The following THEMIS variants were observed in gnomAD, a reference collection of about 807,000 sequenced individuals.
THEMIS encodes thymocyte selection associated, also known as protein THEMIS.
THEMIS carries 37 observed loss-of-function variants against 52.6 expected under a neutral mutation model. The ratio of observed to expected loss-of-function variants is 0.70; its 90% CI spans 0.54 to 0.93. The LOEUF is 0.93. Ranked by LOEUF, THEMIS falls within the 40% of genes least tolerant of loss-of-function variation. The pLI, the probability that THEMIS is intolerant of heterozygous loss-of-function variation, is 0.00. For synonymous variants in THEMIS, 292 were observed against 272.7 expected (o/e 1.07, Z -0.70); for missense variants, 808 against 763.1 (o/e 1.06, Z -0.69).
At chr6:127,703,350 A>C (rs1203377040), downstream of THEMIS, among the ~76,000 whole-genome samples, 2 of 152,124 alleles carry the variant, frequency 1.3e-5, no homozygotes, top group Non-Finnish European at 2.9e-5. Context: ...CCCGGCTAGA[A>C]TGAGTTTTAA....
chr6:127,770,028 G>A (rs901503204), intron 4 of THEMIS, among the ~76,000 whole-genome samples: 8 of 152,194 alleles, frequency 5.3e-5, no homozygotes, highest in African/African-American at 1.7e-4. Context: ...ATCATTGATG[G>A]ACATTTGAGT....
intron 4 of THEMIS, among the ~76,000 whole-genome samples, chr6:127,731,165 A>C (rs908648923): frequency 9.8e-5 from 15 of 152,292 alleles, no homozygotes; most frequent in South Asian, 4.1e-4. Flanking sequence ...TTCATATGTG[A>C]ATTTATTTTT....
intron 4 of THEMIS, among the ~76,000 whole-genome samples, chr6:127,742,733 T>C (rs950694582): frequency 2.6e-5 from 4 of 151,136 alleles, no homozygotes; most frequent in Non-Finnish European, 5.9e-5. Flanking sequence ...TTCATAGAGA[T>C]GGAAAGTAGA....
chr6:127,806,155 A>G (rs777442370), intron 4 of THEMIS, among the ~76,000 whole-genome samples: 3 of 152,138 alleles, frequency 2.0e-5, no homozygotes, highest in Admixed American at 6.5e-5. Flanking sequence ...TATTGCTATC[A>G]TTTCAAACAG....
intron 4 of THEMIS, among the ~76,000 whole-genome samples, chr6:127,735,526 T>C (rs1241541193): frequency 6.6e-6 from 1 of 152,172 alleles, no homozygotes; most frequent in Non-Finnish European, 1.5e-5. Flanking sequence ...ATGTTTGGGA[T>C]TTTTAGCTTT....
intron 5 of THEMIS, among the ~76,000 whole-genome samples, chr6:127,716,618 G>A (rs796285805): frequency 8.6e-5 from 13 of 151,978 alleles, no homozygotes; most frequent in African/African-American, 2.4e-4. Flanking sequence ...GCCCAGACCT[G>A]CTTCTGGGAC....
intron 1 of THEMIS, among the ~76,000 whole-genome samples, chr6:127,861,783 C>CAAAAAAAAAAAAAAAAAA (rs1225783673): frequency 3.1e-5 from 3 of 95,700 alleles, no homozygotes; most frequent in Admixed American, 1.1e-4. Flanking sequence ...GACTCCATCT[C>CAAAAAAAAAAAAAAAAAA]AAAAAAAAAA....
At position 127,752,958 on chromosome 6, in the gene THEMIS, A is replaced by C. The variant is rs551663854; in HGVS notation, c.1759-33135T>G. On this transcript the variant is annotated intron_variant, in intron 4 of 5. Coordinates refer to ENST00000368248, the MANE Select transcript of THEMIS (RefSeq NM_001010923.3). ...AACCGAATTCAATAACATATTTTAA[A>C]AATCATTCACTATGAGCAAGATTTT... is the stretch of plus-strand genomic sequence containing the variant. Among the ~76,000 whole-genome samples the C allele has an allele frequency of 8.6e-4, 131 of 152,028 alleles. 2 individuals are homozygous for C. Among genetic ancestry groups the C allele is most frequent in the African/African-American group, 3.1e-3 (127 of 41,554 alleles).
intron 3 of THEMIS, among the ~76,000 whole-genome samples, chr6:127,826,762 T>G (rs577460248): frequency 7.2e-5 from 11 of 152,274 alleles, no homozygotes; most frequent in African/African-American, 2.6e-4. Context: ...ATACACATCA[T>G]GATGTGACTT....
chr6:127,755,089 T>C (rs1184885597), intron 4 of THEMIS, among the ~76,000 whole-genome samples: 3 of 152,146 alleles, frequency 2.0e-5, no homozygotes, highest in Non-Finnish European at 4.4e-5. Context: ...AAAATCTTGG[T>C]CTGCTGTATA....
chr6:127,826,577 A>G (rs1778514449), intron 3 of THEMIS, among the ~76,000 whole-genome samples: 1 of 152,248 alleles, frequency 6.6e-6, no homozygotes. Flanking sequence ...CACTCAGGGA[A>G]GAAATAATTA....
At chr6:127,886,911 G>A (rs186400235) in intron 1 of THEMIS, among the ~76,000 whole-genome samples, 222 of 152,138 alleles carry the variant, frequency 1.5e-3, no homozygotes, top group African/African-American at 5.0e-3. Flanking sequence ...GAATTAGTGA[G>A]GGTCATCTTG....
intron 4 of THEMIS, among the ~76,000 whole-genome samples, chr6:127,775,870 G>GT (rs1280357298): frequency 2.0e-5 from 3 of 151,854 alleles, no homozygotes; most frequent in Non-Finnish European, 2.9e-5. Context: ...GCTGTCAAGG[G>GT]TTTTTTTAGT....
At chr6:127,739,540 C>T (rs1298720013) in intron 4 of THEMIS, among the ~76,000 whole-genome samples, 1 of 152,118 alleles carries the variant, frequency 6.6e-6, no homozygotes. Flanking sequence ...GCTAGGGAGG[C>T]TGAGGCAGGA....
At chr6:127,710,265 T>C (rs540589416) in intron 5 of THEMIS, among the ~76,000 whole-genome samples, 8 of 151,988 alleles carry the variant, frequency 5.3e-5, no homozygotes, top group Admixed American at 3.3e-4. Flanking sequence ...ATGTATAAAG[T>C]GTTTTTCCGT....
intron 4 of THEMIS, among the ~76,000 whole-genome samples, chr6:127,746,096 C>T (rs949866276): frequency 6.6e-6 from 1 of 151,756 alleles, no homozygotes; most frequent in Non-Finnish European, 1.5e-5. Flanking sequence ...CCAGCTATTT[C>T]TCCTCGTCTT....
upstream of THEMIS, among the ~76,000 whole-genome samples, chr6:127,902,975 C>G (rs957165360): frequency 6.6e-6 from 1 of 152,082 alleles, no homozygotes; most frequent in Non-Finnish European, 1.5e-5. Context: ...TCACCAATCT[C>G]TTACAATTAC....
chr6:127,879,317 A>G (rs1375840035), intron 1 of THEMIS, among the ~76,000 whole-genome samples: 2 of 152,114 alleles, frequency 1.3e-5, no homozygotes, highest in Admixed American at 6.5e-5. Context: ...CTTTTTTGAG[A>G]GTTAGGGCCA....
In THEMIS at chr6:127,709,190, T is replaced by C. The variant is rs1489435769; in HGVS notation, c.*795A>G. ...AATTTATTATATTACAATTTTATTG[T>C]CTTTTTCTTTCCATCAAATATTATG... On this transcript the variant is annotated 3_prime_UTR_variant, in exon 6 of 6. Coordinates refer to ENST00000368248, the MANE Select transcript of THEMIS (RefSeq NM_001010923.3). 2.0e-5 allele frequency: 3 copies of C among 152,064 alleles called. No homozygotes were observed. Among genetic ancestry groups the C allele is most frequent in the Non-Finnish European group, 2.9e-5 (2 of 67,978 alleles). 9.4% of individuals were successfully genotyped at this position (152,064 alleles called of 1,614,324 possible). A position where few individuals can be genotyped will look rare whatever the true frequency, so the allele number is the denominator to read the frequency against.
Sources: gnomAD v4.1 joint callset for allele counts (sites outside exome capture counted in the v4.1 genomes callset) on GRCh38, gnomAD v4.1.1 for gene constraint, MANE v1.5 for transcripts, NCBI Gene and HGNC (gene_info 2026-07-23, HGNC 2026-07-21) for gene names.